CNTNAP2: variants seen among roughly 807,000 people sequenced by gnomAD.
CNTNAP2 encodes contactin-associated protein-like 2.
CNTNAP2 carries 98 observed loss-of-function variants against 155.2 expected under a neutral mutation model. The observed-to-expected ratio is 0.63, with a 90% CI of 0.54 to 0.75. The LOEUF (loss-of-function observed/expected upper bound fraction) is 0.75. Ranked by LOEUF, CNTNAP2 falls within the 30% of genes least tolerant of loss-of-function variation. The probability of loss-of-function intolerance (pLI) is 0.00; values close to 1 mark genes in which losing one functional copy is unlikely to be tolerated. For missense variants in CNTNAP2, 1,727 were observed against 1,688.1 expected (o/e 1.02, Z -0.40); for synonymous variants, 651 against 631.2 (o/e 1.03, Z -0.47).
intron 1 of CNTNAP2, among the ~76,000 whole-genome samples, chr7:146,569,238 G>A (rs751015098): frequency 2.6e-5 from 4 of 151,982 alleles, no homozygotes; most frequent in African/African-American, 4.8e-5. Flanking sequence ...GGATGGTCTC[G>A]ATCTCCTCCT....
chr7:147,324,588 C>G (rs1795416005), intron 9 of CNTNAP2, among the ~76,000 whole-genome samples: 1 of 152,128 alleles, frequency 6.6e-6, no homozygotes, highest in Non-Finnish European at 1.5e-5. Context: ...CAATAAACAT[C>G]TCCAGTTTTT....
chr7:147,423,690 T>TA (rs554741050), intron 10 of CNTNAP2, among the ~76,000 whole-genome samples: 2 of 152,158 alleles, frequency 1.3e-5, no homozygotes, highest in African/African-American at 2.4e-5. Flanking sequence ...CCTCCATTGA[T>TA]ACCATCCTCC....
chr7:148,136,891 T>C (rs1413619008), intron 16 of CNTNAP2, among the ~76,000 whole-genome samples: 1 of 152,220 alleles, frequency 6.6e-6, no homozygotes, highest in East Asian at 1.9e-4. Context: ...GGCAAAAATG[T>C]TTTATGCAAT....
intron 15 of CNTNAP2, among the ~76,000 whole-genome samples, chr7:148,108,987 A>G (rs1374911663): frequency 6.6e-6 from 1 of 152,242 alleles, no homozygotes; most frequent in East Asian, 1.9e-4. Context: ...TTTCTAAAAA[A>G]GCATTAGTAC....
intron 14 of CNTNAP2, among the ~76,000 whole-genome samples, chr7:147,905,776 C>T (rs915833011): frequency 1.3e-5 from 2 of 151,962 alleles, no homozygotes; most frequent in Admixed American, 1.3e-4. Context: ...TGCAGATACT[C>T]GGGAGGCTGA....
chr7:147,642,309 A>G (rs10275743), intron 13 of CNTNAP2, among the ~76,000 whole-genome samples: 2,946 of 152,240 alleles, frequency 0.019, 105 homozygotes, highest in African/African-American at 0.067. Context: ...CTCCAAAGTC[A>G]GCTTTCAGTT....
At chr7:147,334,645 T>G (rs538710928) in intron 9 of CNTNAP2, among the ~76,000 whole-genome samples, 1 of 152,282 alleles carries the variant, frequency 6.6e-6, no homozygotes, top group African/African-American at 2.4e-5. Context: ...AGGAAAGGAA[T>G]AGCAGAGCAC....
intron 13 of CNTNAP2, among the ~76,000 whole-genome samples, chr7:147,754,171 A>C (rs1376786582): frequency 6.6e-6 from 1 of 152,256 alleles, no homozygotes; most frequent in Non-Finnish European, 1.5e-5. Context: ...TAATGGCTGC[A>C]ACTGATTAAA....
chr7:146,461,330 G>A (rs886687573), intron 1 of CNTNAP2, among the ~76,000 whole-genome samples: 20 of 151,740 alleles, frequency 1.3e-4, no homozygotes, highest in African/African-American at 2.9e-4. Flanking sequence ...GCGTGAACCC[G>A]GGAGGTGGAG....
At chr7:146,869,544 C>T (rs1795266801) in intron 3 of CNTNAP2, among the ~76,000 whole-genome samples, 1 of 152,056 alleles carries the variant, frequency 6.6e-6, no homozygotes. Context: ...AGGCCATCTG[C>T]AAGTAGAGGA....
chr7:147,604,637 G>A (rs1326014478), intron 12 of CNTNAP2, among the ~76,000 whole-genome samples: 2 of 152,120 alleles, frequency 1.3e-5, no homozygotes, highest in Non-Finnish European at 2.9e-5. Flanking sequence ...TACCTCTGTG[G>A]AAACTCTGTT....
intron 14 of CNTNAP2, among the ~76,000 whole-genome samples, chr7:147,925,360 G>C (rs1418828475): frequency 6.7e-6 from 1 of 150,342 alleles, no homozygotes; most frequent in South Asian, 2.1e-4. Context: ...TTCAACACAG[G>C]GTAGTATATT....
At chr7:147,744,403 C>T (rs1347731328) in intron 13 of CNTNAP2, among the ~76,000 whole-genome samples, 1 of 152,176 alleles carries the variant, frequency 6.6e-6, no homozygotes, top group Non-Finnish European at 1.5e-5. Flanking sequence ...ACATCCTAAA[C>T]TTACAGAAAT....
chr7:147,485,818 G>A (rs1798499094), intron 10 of CNTNAP2, 117 bp from the exon 11 acceptor site: 1 of 922,800 alleles, frequency 1.1e-6, no homozygotes, highest in Non-Finnish European at 1.8e-6. Context: ...AGGATTAATT[G>A]CCTTGGTAAG....
chr7:146,825,724 G>T (rs1335284545), intron 2 of CNTNAP2, among the ~76,000 whole-genome samples: 1 of 152,156 alleles, frequency 6.6e-6, no homozygotes, highest in Non-Finnish European at 1.5e-5. Flanking sequence ...CAATTGTCAT[G>T]AGATTTTACT....
At chr7:146,750,843 C>A (rs1413712712) in intron 1 of CNTNAP2, among the ~76,000 whole-genome samples, 1 of 152,082 alleles carries the variant, frequency 6.6e-6, no homozygotes, top group East Asian at 1.9e-4. Flanking sequence ...AATTTTACTA[C>A]TTTTTCCATG....
At chr7:147,368,356 C>T (rs1259690511) in intron 9 of CNTNAP2, among the ~76,000 whole-genome samples, 1 of 151,956 alleles carries the variant, frequency 6.6e-6, no homozygotes, top group Non-Finnish European at 1.5e-5. Context: ...TGAAGAATGT[C>T]AGTTGAGTTG....
At chr7:148,295,593 C>A (rs113210541) in intron 21 of CNTNAP2, among the ~76,000 whole-genome samples, 4,514 of 119,418 alleles carry the variant, frequency 0.038, 180 homozygotes, top group African/African-American at 0.073. Context: ...CCGGGTTCAC[C>A]CCATTCTCCT....
chr7:147,016,748 T>C (rs1261701239), intron 3 of CNTNAP2, among the ~76,000 whole-genome samples: 2 of 152,166 alleles, frequency 1.3e-5, no homozygotes, highest in East Asian at 3.9e-4. Context: ...ACAAAATAGT[T>C]TCTAGAATTA....
Sources: allele counts gnomAD v4.1 joint callset (sites outside exome capture counted in the v4.1 genomes callset), GRCh38; gene constraint gnomAD v4.1.1; transcripts MANE v1.5; gene names NCBI Gene and HGNC (gene_info 2026-07-23, HGNC 2026-07-21).